WNT2: variants seen among roughly 807,000 people sequenced by gnomAD.
WNT2 encodes the protein protein Wnt-2.
A neutral mutation model predicts 36.9 loss-of-function variants in WNT2; 12 were observed. The observed-to-expected ratio is 0.33, with a 90% confidence interval of 0.21 to 0.53. The LOEUF is 0.53. WNT2 is among the 20% of genes least tolerant of loss of function. The pLI is 0.95. For synonymous variants in WNT2, 163 were observed against 174.6 expected (o/e 0.93, Z 0.52); for missense variants, 379 against 473.1 (o/e 0.80, Z 1.84).
chr7:117,305,644 T>C (rs1289777662), intron 3 of WNT2, among the ~76,000 whole-genome samples: 2 of 152,212 alleles, frequency 1.3e-5, no homozygotes, highest in Non-Finnish European at 1.5e-5. Flanking sequence ...AAAATATTGC[T>C]TTCTGGTGAG....
At chr7:117,293,512 C>T (rs367691122) in intron 4 of WNT2, among the ~76,000 whole-genome samples, 4 of 152,074 alleles carry the variant, frequency 2.6e-5, no homozygotes, top group African/African-American at 7.2e-5. Flanking sequence ...ATAACCACAA[C>T]GAAGTAGAGT....
At chr7:117,278,959 A>G (rs1794431660) in intron 4 of WNT2, among the ~76,000 whole-genome samples, 1 of 152,212 alleles carries the variant, frequency 6.6e-6, no homozygotes, top group African/African-American at 2.4e-5. Context: ...ACCCTGAGGA[A>G]GGAGAAAGGC....
intron 3 of WNT2, among the ~76,000 whole-genome samples, chr7:117,312,744 GCA>G (rs1217969419): frequency 3.3e-5 from 5 of 152,126 alleles, no homozygotes; most frequent in Admixed American, 6.5e-5. Flanking sequence ...AAATGATATA[GCA>G]CAGAGGATCT....
chr7:117,308,714 T>C (rs1385100462), intron 3 of WNT2, among the ~76,000 whole-genome samples: 6 of 152,194 alleles, frequency 3.9e-5, no homozygotes, highest in African/African-American at 1.4e-4. Flanking sequence ...TCAGGATGAA[T>C]AGGAGGTGAA....
intron 3 of WNT2, chr7:117,300,958 T>A (rs1242897721): frequency 6.6e-6 from 1 of 152,088 alleles, no homozygotes; most frequent in East Asian, 1.9e-4. Context: ...AGATCTGGGT[T>A]CTGGGGATGC....
chr7:117,300,671 G>A (rs923442407), intron 3 of WNT2, among the ~76,000 whole-genome samples: 29 of 152,164 alleles, frequency 1.9e-4, no homozygotes, highest in African/African-American at 2.7e-4. Flanking sequence ...GTGGTGGCAC[G>A]TGCCTATGGT....
At chr7:117,294,771 G>A (rs1237984676) in intron 4 of WNT2, among the ~76,000 whole-genome samples, 4 of 152,170 alleles carry the variant, frequency 2.6e-5, no homozygotes, top group Non-Finnish European at 4.4e-5. Flanking sequence ...TGTGTGCAGC[G>A]AGAGGCAGAG....
At chr7:117,289,279 T>C (rs3779549) in intron 4 of WNT2, among the ~76,000 whole-genome samples, 76,068 of 151,694 alleles carry the variant, frequency 0.5, 19,448 homozygotes, top group Middle Eastern at 0.58. Context: ...AGGATGGTCT[T>C]GATCTCCTGA....
chr7:117,301,438 AG>A (rs1185714912), intron 3 of WNT2, among the ~76,000 whole-genome samples: 2 of 152,226 alleles, frequency 1.3e-5, no homozygotes, highest in African/African-American at 4.8e-5. Flanking sequence ...ACTTACAATG[AG>A]GATTCCTAGT....
At chr7:117,290,779 C>T (rs1794676008) in intron 4 of WNT2, among the ~76,000 whole-genome samples, 1 of 152,210 alleles carries the variant, frequency 6.6e-6, no homozygotes, top group African/African-American at 2.4e-5. Context: ...AAGTCGATGA[C>T]ACCACGAGGA....
At position 117,276,717 on chromosome 7, in the gene WNT2, G is replaced by A. The variant is rs544631779; in HGVS notation, c.*1438C>T. On this transcript the variant is annotated 3_prime_UTR_variant, in exon 5 of 5. Transcript: ENST00000265441. ...ACAGAATAAGAACCAAATTTTTCAA[G>A]AAGACGAGAAGTAGCTATTTCACCT... 1 of 152,294 alleles carries A rather than the reference G, an allele frequency of 6.6e-6. No individual in the cohort carries two copies. The highest frequency in any genetic ancestry group is 2.1e-4 in the South Asian group (1 of 4,822). 9.4% of individuals were successfully genotyped at this position (152,294 alleles called of 1,614,324 possible).
intron 4 of WNT2, among the ~76,000 whole-genome samples, chr7:117,293,117 T>G (rs1195807200): frequency 6.6e-6 from 1 of 151,834 alleles, no homozygotes; most frequent in Non-Finnish European, 1.5e-5. Context: ...AAAAAAAAAA[T>G]TAAAATGATG....
chr7:117,288,295 A>T (rs1794622777), intron 4 of WNT2, among the ~76,000 whole-genome samples: 1 of 152,250 alleles, frequency 6.6e-6, no homozygotes. Flanking sequence ...GGAACCTTAG[A>T]AATTGCTAGA....
chr7:117,290,820 C>CGGAA (rs1290971710), intron 4 of WNT2, among the ~76,000 whole-genome samples: 1 of 152,156 alleles, frequency 6.6e-6, no homozygotes, highest in African/African-American at 2.4e-5. Flanking sequence ...CTCAATCCTG[C>CGGAA]GTTCCCAGTG....
At chr7:117,300,155 T>TA (rs150797564) in intron 3 of WNT2, among the ~76,000 whole-genome samples, 2,740 of 151,586 alleles carry the variant, frequency 0.018, 83 homozygotes, top group African/African-American at 0.059. Flanking sequence ...AGGAGTCTTG[T>TA]AAAAAAAAAG....
At chr7:117,297,578 A>C (rs777790312) in intron 4 of WNT2, 34 bp downstream of exon 4, 2 of 1,589,218 alleles carry the variant, frequency 1.3e-6, no homozygotes, top group Middle Eastern at 1.7e-4. Flanking sequence ...TGTTGAAAGA[A>C]TTAGGTACTA....
At chr7:117,312,712 G>T (rs1002929217) in intron 3 of WNT2, among the ~76,000 whole-genome samples, 5 of 152,198 alleles carry the variant, frequency 3.3e-5, no homozygotes, top group African/African-American at 1.2e-4. Flanking sequence ...AAATCATTAT[G>T]AATTCTGCTG....
At chr7:117,316,389 C>T (rs1795218648) in intron 2 of WNT2, among the ~76,000 whole-genome samples, 1 of 152,126 alleles carries the variant, frequency 6.6e-6, no homozygotes, top group Non-Finnish European at 1.5e-5. Context: ...TATTAGCATG[C>T]CCTTTTATTA....
In WNT2 at chr7:117,322,867, C is replaced by G. The variant is rs369709491; in HGVS notation, c.83+40G>C. The G allele has an allele frequency of 6.3e-7, 1 of 1,591,128 alleles. No individual in the cohort carries two copies. The highest frequency in any genetic ancestry group is 8.6e-7 in the Non-Finnish European group (1 of 1,168,576). Reference sequence around the variant, plus strand: ...TATGTGGCCAATGCGGTCCCCATTCCGATCTCCAAAATCCCCCGCGCCCGT... The same window carrying G: ...TATGTGGCCAATGCGGTCCCCATTCGGATCTCCAAAATCCCCCGCGCCCGT... On this transcript the variant is annotated intron_variant, in intron 1 of 4. Coordinates refer to ENST00000265441, the MANE Select transcript of WNT2 (RefSeq NM_003391.3). This position sits in a 1 kb window ranked among gnomAD's most constrained non-coding sequence, Gnocchi z 5.4.
Sources: allele counts gnomAD v4.1 joint callset (sites outside exome capture counted in the v4.1 genomes callset), GRCh38; gene constraint gnomAD v4.1.1; non-coding constraint Gnocchi (gnomAD v3.1); transcripts MANE v1.5; gene names NCBI Gene and HGNC (gene_info 2026-07-23, HGNC 2026-07-21).